The following INSC variants were observed in gnomAD, a reference collection of about 807,000 sequenced individuals.
INSC encodes the protein protein inscuteable homolog.
A neutral mutation model predicts 58.6 loss-of-function variants in INSC; 67 were observed. The observed-to-expected ratio is 1.14, with a 90% confidence interval of 0.94 to 1.40. INSC has a LOEUF of 1.40. INSC is among the 40% of genes most tolerant of loss of function. The pLI is 0.00. For missense variants in INSC, 714 were observed against 692.0 expected (o/e 1.03, Z -0.36); for synonymous variants, 262 against 276.1 (o/e 0.95, Z 0.51).
At chr11:15,250,407 T>TGTAA (rs1852637793), downstream of INSC, among the ~76,000 whole-genome samples, 2 of 152,368 alleles carry the variant, frequency 1.3e-5, no homozygotes, top group African/African-American at 4.8e-5. Context: ...TCTGTGCAAA[T>TGTAA]GTAAGTTGTT....
At chr11:15,216,652 A>G (rs1564908703) in intron 7 of INSC, among the ~76,000 whole-genome samples, 1 of 152,186 alleles carries the variant, frequency 6.6e-6, no homozygotes, top group Non-Finnish European at 1.5e-5. Context: ...AATCACTCCC[A>G]TTTTAAAAGT....
intron 1 of INSC, among the ~76,000 whole-genome samples, chr11:15,126,369 C>T (rs1847995424): frequency 6.6e-6 from 1 of 152,122 alleles, no homozygotes; most frequent in Admixed American, 6.5e-5. Context: ...CTGGGACAAA[C>T]CCTATAACTC....
chr11:15,179,436 G>A (rs773673828), intron 5 of INSC, among the ~76,000 whole-genome samples: 10 of 152,038 alleles, frequency 6.6e-5, no homozygotes, highest in South Asian at 2.1e-4. Flanking sequence ...TTTCCATGTC[G>A]GCTCCTCTCC....
chr11:15,187,397 T>C lies in INSC; in HGVS notation c.580-3304T>C, dbSNP rs74745808. ...TTAATCTACTGCATCCTGTCAATGC[T>C]ACCTGCATTTTATGTAACCCCTTTG... On this transcript the variant is annotated intron_variant, in intron 5 of 12. Transcript: ENST00000379556. Among the ~76,000 whole-genome samples the C allele has an allele frequency of 9.8e-3, 1,490 of 152,220 alleles. 57 individuals carry two copies. The East Asian group carries it at 0.11, about 12-fold the overall frequency.
chr11:15,176,972 CTG>C lies in INSC; in HGVS notation c.403-135_403-134del, dbSNP rs1849592976. The C allele has an allele frequency of 1.1e-5, 8 of 719,230 alleles. No homozygotes were observed. In the Admixed American group the frequency reaches 1.5e-4, roughly 14 times the overall value. The allele number at this position is 719,230 out of a possible 1,614,324, so 44.6% of individuals were successfully genotyped here. On this transcript the variant is annotated intron_variant, in intron 3 of 12. Coordinates refer to ENST00000379556, the MANE Select transcript of INSC (RefSeq NM_001042536.3). Reference sequence around the variant, plus strand: ...GAGCTCTTTCACCACCTGTATCACACTGTGTTATATTTTAACTGCCTGTTCCC... The same window carrying C: ...GAGCTCTTTCACCACCTGTATCACACTGTTATATTTTAACTGCCTGTTCCC...
chr11:15,256,493 T>G, the INSC span, among the ~76,000 whole-genome samples: 37 of 149,478 alleles, frequency 2.5e-4, no homozygotes, highest in East Asian at 1.4e-3. Context: ...TTCATTTCAT[T>G]TTTTTTTTTT....
At chr11:15,241,131 C>T (rs1390428513) in intron 12 of INSC, among the ~76,000 whole-genome samples, 1 of 152,096 alleles carries the variant, frequency 6.6e-6, no homozygotes, top group Non-Finnish European at 1.5e-5. Flanking sequence ...ATCAATAGTA[C>T]CAGAGAGAAA....
At chr11:15,243,148 C>T (rs955573608) in intron 12 of INSC, among the ~76,000 whole-genome samples, 1 of 152,148 alleles carries the variant, frequency 6.6e-6, no homozygotes, top group African/African-American at 2.4e-5. Context: ...TTCCTAGCTC[C>T]CAGTCTTGGG....
At position 15,181,414 on chromosome 11, in the gene INSC, C is replaced by T. The variant is rs931360390; in HGVS notation, c.579+2967C>T. ...CTCTTGAGCAGAGGAACAAATCTCC[C>T]CACCCCCTTCACCCCAGTATTAAGG... On this transcript the variant is annotated intron_variant, in intron 5 of 12. Coordinates refer to ENST00000379556, the MANE Select transcript of INSC (RefSeq NM_001042536.3). 2.6e-5 allele frequency among the ~76,000 whole-genome samples: 4 copies of T among 152,018 alleles called. No individual in the cohort carries two copies. In the East Asian group the frequency reaches 7.7e-4, roughly 29 times the overall value.
chr11:15,267,840 G>C, the INSC span, among the ~76,000 whole-genome samples: 37 of 151,908 alleles, frequency 2.4e-4, no homozygotes, highest in African/African-American at 8.9e-4. Context: ...TGCTTTAGGG[G>C]TACTAGATAT....
intron 2 of INSC, among the ~76,000 whole-genome samples, chr11:15,154,898 A>G (rs1457457151): frequency 2.6e-5 from 4 of 152,188 alleles, no homozygotes; most frequent in African/African-American, 9.6e-5. Context: ...TTTCCTGTGA[A>G]ATGTGCAAAG....
intron 1 of INSC, among the ~76,000 whole-genome samples, chr11:15,134,609 A>T (rs1590343968): frequency 6.6e-6 from 1 of 152,200 alleles, no homozygotes; most frequent in East Asian, 1.9e-4. Context: ...CTCCTCCAGC[A>T]CTGAGGAAGA....
At chr11:15,170,790 G>A (rs146338604) in intron 2 of INSC, among the ~76,000 whole-genome samples, 16 of 152,062 alleles carry the variant, frequency 1.1e-4, no homozygotes, top group East Asian at 3.9e-4. Flanking sequence ...ATCTATTTGC[G>A]CAAATAGGGA....
the INSC span, among the ~76,000 whole-genome samples, chr11:15,258,124 T>G: frequency 6.6e-6 from 1 of 152,172 alleles, no homozygotes; most frequent in Non-Finnish European, 1.5e-5. Flanking sequence ...ATACGGGTGT[T>G]TGTTATATTA....
At chr11:15,128,679 C>T (rs962328981) in intron 1 of INSC, among the ~76,000 whole-genome samples, 1 of 152,200 alleles carries the variant, frequency 6.6e-6, no homozygotes, top group African/African-American at 2.4e-5. Flanking sequence ...ATGAGAGAAC[C>T]TGCCACCACA....
chr11:15,242,775 A>G (rs1052291544), intron 12 of INSC, among the ~76,000 whole-genome samples: 1 of 152,188 alleles, frequency 6.6e-6, no homozygotes, highest in Non-Finnish European at 1.5e-5. Flanking sequence ...CAGAGAGTAC[A>G]CAGCATGAAC....
At position 15,231,976 on chromosome 11, in the gene INSC, C is replaced by A. The variant is rs182384771; in HGVS notation, c.1171-3626C>A. ...AGTGTTTCTCCTCCGTGTGTGCTGA[C>A]ATCAAAAGGCCTCGCCAACCTCCTT... On this transcript the variant is annotated intron_variant, in intron 9 of 12. Transcript: ENST00000379556. 2.1e-3 allele frequency among the ~76,000 whole-genome samples: 320 copies of A among 152,338 alleles called. 1 individual carries two copies. The highest frequency in any genetic ancestry group is 7.3e-3 in the African/African-American group (303 of 41,576).
chr11:15,230,796 C>T (rs998593972), intron 9 of INSC, among the ~76,000 whole-genome samples: 2 of 152,232 alleles, frequency 1.3e-5, no homozygotes, highest in Non-Finnish European at 2.9e-5. Flanking sequence ...CAGGAGAGCC[C>T]TTCAGCCTGT....
chr11:15,151,977 C>A (rs746704004), intron 2 of INSC, among the ~76,000 whole-genome samples: 1 of 152,176 alleles, frequency 6.6e-6, no homozygotes, highest in Non-Finnish European at 1.5e-5. Context: ...CCTTTGCAAA[C>A]CCCCACAACA....
Sources: allele counts gnomAD v4.1 joint callset (sites outside exome capture counted in the v4.1 genomes callset), GRCh38; gene constraint gnomAD v4.1.1; transcripts MANE v1.5; gene names NCBI Gene and HGNC (gene_info 2026-07-23, HGNC 2026-07-21).